Variants in ARK2N observed in about 807,000 individuals in gnomAD.
ARK2N encodes arkadia (RNF111) N-terminal like PKA signaling regulator 2N, also known as protein ARK2N.
chr18:46,263,132 T>G, the ARK2N span: 1 of 1,585,274 alleles, frequency 6.3e-7, no homozygotes, highest in Non-Finnish European at 8.6e-7. Context: ...AATGTCACTG[T>G]GTTTCCTCTG....
the ARK2N span, among the ~76,000 whole-genome samples, chr18:46,202,943 C>T: frequency 6.6e-6 from 1 of 151,954 alleles, no homozygotes; most frequent in East Asian, 1.9e-4. Flanking sequence ...TTTACTTCCA[C>T]CAGAATGACT....
At chr18:46,204,240 T>C in the ARK2N span, among the ~76,000 whole-genome samples, 1 of 152,126 alleles carries the variant, frequency 6.6e-6, no homozygotes, top group Non-Finnish European at 1.5e-5. Flanking sequence ...TCAAGGGAGA[T>C]TGGTATATAC....
chr18:46,216,204 G>T, the ARK2N span: 27 of 1,613,806 alleles, frequency 1.7e-5, no homozygotes, highest in Non-Finnish European at 2.2e-5. The surrounding 1 kb of genome is among the most constrained non-coding windows in gnomAD (Gnocchi z 4.3). Context: ...ATTCAGATAC[G>T]TTGTCTTCCG....
chr18:46,221,973 A>G, the ARK2N span, among the ~76,000 whole-genome samples: 4,560 of 152,328 alleles, frequency 0.03, 86 homozygotes, highest in Non-Finnish European at 0.042. Context: ...GACACAGAAT[A>G]ATCAGGTAAA....
chr18:46,245,586 AAAG>A, the ARK2N span, among the ~76,000 whole-genome samples: 2 of 149,366 alleles, frequency 1.3e-5, no homozygotes, highest in African/African-American at 5.1e-5. Context: ...AAAAAAAAAA[AAAG>A]AAAGAAAAAA....
At chr18:46,181,283 G>A in the ARK2N span, among the ~76,000 whole-genome samples, 9 of 152,032 alleles carry the variant, frequency 5.9e-5, no homozygotes, top group South Asian at 2.1e-4. Flanking sequence ...GGGAAATGTC[G>A]TTTTTTTGTA....
At chr18:46,245,950 C>A in the ARK2N span, among the ~76,000 whole-genome samples, 1 of 152,142 alleles carries the variant, frequency 6.6e-6, no homozygotes, top group Non-Finnish European at 1.5e-5. Context: ...AGAATTTTCT[C>A]ATATAGTGAA....
At chr18:46,244,601 A>ATTT in the ARK2N span, among the ~76,000 whole-genome samples, 5 of 93,838 alleles carry the variant, frequency 5.3e-5, 2 homozygotes, top group Non-Finnish European at 7.9e-5. Context: ...AAGAGTTTAG[A>ATTT]TTTTTTTTTT....
the ARK2N span, among the ~76,000 whole-genome samples, chr18:46,252,626 A>G: frequency 6.7e-6 from 1 of 149,426 alleles, no homozygotes; most frequent in Non-Finnish European, 1.5e-5. Flanking sequence ...TTTTTTAAAT[A>G]TGGGAAATAA....
the ARK2N span, among the ~76,000 whole-genome samples, chr18:46,182,548 A>C: frequency 1.3e-5 from 2 of 152,312 alleles, no homozygotes; most frequent in East Asian, 3.9e-4. Context: ...GTTTTAGACC[A>C]GCCGGGGCAA....
the ARK2N span, among the ~76,000 whole-genome samples, chr18:46,255,445 CTTTTTTTTT>C: frequency 1.3e-5 from 1 of 77,742 alleles, no homozygotes; most frequent in Non-Finnish European, 2.2e-5. Context: ...CTTTTCTTTT[CTTTTTTTTT>C]TTTTTTTTTT....
the ARK2N span, among the ~76,000 whole-genome samples, chr18:46,233,528 C>G: frequency 6.6e-6 from 1 of 152,030 alleles, no homozygotes; most frequent in Non-Finnish European, 1.5e-5. Context: ...TCCAAATAAC[C>G]CCACTTGAAT....
chr18:46,229,667 A>G, the ARK2N span, among the ~76,000 whole-genome samples: 1 of 151,646 alleles, frequency 6.6e-6, no homozygotes, highest in Non-Finnish European at 1.5e-5. Flanking sequence ...CCCAGGCTGG[A>G]GTGCAGTGGC....
the ARK2N span, among the ~76,000 whole-genome samples, chr18:46,209,313 AC>A: frequency 6.7e-6 from 1 of 148,398 alleles, no homozygotes; most frequent in African/African-American, 2.5e-5. Flanking sequence ...TTTTTTACAA[AC>A]CCCCAAGCCT....
the ARK2N span, among the ~76,000 whole-genome samples, chr18:46,210,024 C>T: frequency 6.6e-6 from 1 of 152,176 alleles, no homozygotes; most frequent in Non-Finnish European, 1.5e-5. Flanking sequence ...TGCCTTTACC[C>T]ATCCTCCTCT....
the ARK2N span, among the ~76,000 whole-genome samples, chr18:46,186,155 G>C: frequency 1.3e-5 from 2 of 151,708 alleles, no homozygotes; most frequent in Non-Finnish European, 2.9e-5. Context: ...TGATTTAAAA[G>C]TTTATGGAGA....
At chr18:46,216,490 A>G in the ARK2N span, 1 of 1,614,190 alleles carries the variant, frequency 6.2e-7, no homozygotes, top group Non-Finnish European at 8.5e-7. This position sits in a 1 kb window ranked among gnomAD's most constrained non-coding sequence, Gnocchi z 4.3. Context: ...GCTGCAGGAC[A>G]GTAGTACCAG....
chr18:46,179,149 G>A, the ARK2N span, among the ~76,000 whole-genome samples: 1 of 151,924 alleles, frequency 6.6e-6, no homozygotes, highest in African/African-American at 2.4e-5. Context: ...TCACCCTGTT[G>A]GCCAGGCTGG....
the ARK2N span, among the ~76,000 whole-genome samples, chr18:46,226,895 C>G: frequency 6.6e-6 from 1 of 151,210 alleles, no homozygotes; most frequent in African/African-American, 2.4e-5. Context: ...GCAACCTCTG[C>G]CTCCGGGGTT....
Sources: allele counts gnomAD v4.1 joint callset (sites outside exome capture counted in the v4.1 genomes callset), GRCh38; gene constraint gnomAD v4.1.1; non-coding constraint Gnocchi (gnomAD v3.1); transcripts MANE v1.5; gene names NCBI Gene and HGNC (gene_info 2026-07-23, HGNC 2026-07-21).